HIVEP1: variants seen among roughly 807,000 people sequenced by gnomAD.
HIVEP1 encodes the protein HIVEP zinc finger 1.
HIVEP1 carries 36 observed loss-of-function variants against 180.0 expected under a neutral mutation model. That is an observed-to-expected ratio of 0.20 (90% CI 0.15 to 0.26). The LOEUF is 0.26. Ranked by LOEUF, HIVEP1 falls within the 10% of genes least tolerant of loss-of-function variation. HIVEP1 has a pLI of 1.00. For missense variants in HIVEP1, 3,143 were observed against 3,268.7 expected, an observed-to-expected ratio of 0.96 and a Z score of 0.94; for synonymous variants, 1,239 against 1,239.0, an observed-to-expected ratio of 1.00 and a Z score of 0.00.
chr6:12,201,105 C>T, the HIVEP1 span, among the ~76,000 whole-genome samples: 1 of 152,206 alleles, frequency 6.6e-6, no homozygotes, highest in African/African-American at 2.4e-5. Context: ...TGATATAGGT[C>T]TTCTCATGTT....
intron 2 of HIVEP1, among the ~76,000 whole-genome samples, chr6:12,086,427 T>C (rs1773128300): frequency 6.6e-6 from 1 of 152,148 alleles, no homozygotes; most frequent in South Asian, 2.1e-4. Flanking sequence ...ACAGAGAAAC[T>C]ATTATTTATT....
intron 2 of HIVEP1, among the ~76,000 whole-genome samples, chr6:12,053,624 C>T (rs778870015): frequency 6.6e-6 from 1 of 151,910 alleles, no homozygotes; most frequent in Non-Finnish European, 1.5e-5. Context: ...GAATTGATTC[C>T]ATGTCTTGAC....
chr6:12,009,749 T>A (rs1350146985), upstream of HIVEP1, among the ~76,000 whole-genome samples: 2 of 152,322 alleles, frequency 1.3e-5, no homozygotes, highest in African/African-American at 4.8e-5. Context: ...ATTTAGAAAA[T>A]TCAAAAACTT....
At chr6:12,037,300 G>A (rs1377418763) in intron 2 of HIVEP1, among the ~76,000 whole-genome samples, 1 of 152,192 alleles carries the variant, frequency 6.6e-6, no homozygotes, top group Non-Finnish European at 1.5e-5. Context: ...TAATTTTTGA[G>A]CACCTTTTTT....
intron 2 of HIVEP1, among the ~76,000 whole-genome samples, chr6:12,076,519 G>A (rs1041767222): frequency 6.6e-6 from 1 of 152,224 alleles, no homozygotes; most frequent in African/African-American, 2.4e-5. Flanking sequence ...CAAGGTGGCA[G>A]CACTGGTGAG....
the HIVEP1 span, among the ~76,000 whole-genome samples, chr6:12,197,789 C>T: frequency 2.6e-5 from 4 of 151,952 alleles, no homozygotes; most frequent in Non-Finnish European, 4.4e-5. Context: ...AGAGAACAGA[C>T]AAGAGGAAGG....
intron 4 of HIVEP1, chr6:12,129,462 A>C: frequency 4.9e-6 from 2 of 410,266 alleles, no homozygotes; most frequent in Non-Finnish European, 9.1e-6. Flanking sequence ...CTACTAAAAA[A>C]AGTTTCTGTT....
intron 3 of HIVEP1, among the ~76,000 whole-genome samples, chr6:12,108,251 G>A: frequency 6.6e-6 from 1 of 152,224 alleles, no homozygotes. Flanking sequence ...GTGCCGATTG[G>A]TGTATTTACA....
Position 12,059,607 on chromosome 6 carries a change from G to T in HIVEP1, c.41-29577G>T, listed in dbSNP as rs564734803. 5.3e-5 allele frequency among the ~76,000 whole-genome samples: 8 copies of T among 152,128 alleles called. No homozygotes were observed. In the East Asian group the frequency reaches 1.5e-3, roughly 29 times the overall value. On this transcript the variant is annotated intron_variant, in intron 2 of 8. Transcript: ENST00000379388. ...GCTCCCTGCATTGCCACCTACCTGGGGTTCTCCTCGCCTACTGTGCTGTTT... is the reference window on the plus strand; with the variant it reads ...GCTCCCTGCATTGCCACCTACCTGGTGTTCTCCTCGCCTACTGTGCTGTTT...
intron 2 of HIVEP1, among the ~76,000 whole-genome samples, chr6:12,029,537 T>G (rs547978327): frequency 1.3e-5 from 2 of 152,336 alleles, no homozygotes; most frequent in South Asian, 4.1e-4. Context: ...TGTGTTAAAT[T>G]TTTTAGTGTA....
At chr6:12,044,463 G>A (rs1380728425) in intron 2 of HIVEP1, among the ~76,000 whole-genome samples, 1 of 151,880 alleles carries the variant, frequency 6.6e-6, no homozygotes, top group African/African-American at 2.4e-5. Flanking sequence ...CCCTGTTAAC[G>A]CCCCTCAAAG....
At chr6:12,161,071 G>A (rs1361751933) in intron 7 of HIVEP1, among the ~76,000 whole-genome samples, 4 of 152,296 alleles carry the variant, frequency 2.6e-5, no homozygotes, top group East Asian at 1.9e-4. Flanking sequence ...AAAGAGTTGC[G>A]TTGAACTCTT....
At chr6:12,147,519 GTTGT>G (rs200450004) in intron 7 of HIVEP1, among the ~76,000 whole-genome samples, 32 of 152,154 alleles carry the variant, frequency 2.1e-4, no homozygotes, top group East Asian at 1.5e-3. Context: ...GTTGAGGTTT[GTTGT>G]TTGTTTGTTT....
the HIVEP1 span, among the ~76,000 whole-genome samples, chr6:12,202,579 G>C: frequency 6.6e-6 from 1 of 152,046 alleles, no homozygotes; most frequent in African/African-American, 2.4e-5. Flanking sequence ...GGACATTTCT[G>C]GATTACTTTT....
At chr6:12,080,722 T>C (rs1205415979) in intron 2 of HIVEP1, among the ~76,000 whole-genome samples, 1 of 152,170 alleles carries the variant, frequency 6.6e-6, no homozygotes, top group Non-Finnish European at 1.5e-5. Context: ...CTGAAAAGGA[T>C]AAGTGAAGAG....
intron 2 of HIVEP1, among the ~76,000 whole-genome samples, chr6:12,047,613 A>G (rs1206514244): frequency 1.3e-5 from 2 of 152,318 alleles, no homozygotes; most frequent in African/African-American, 2.4e-5. Flanking sequence ...CCACAAACAC[A>G]TCTTCTTTCC....
At chr6:12,179,159 A>C in the HIVEP1 span, among the ~76,000 whole-genome samples, 18 of 152,210 alleles carry the variant, frequency 1.2e-4, no homozygotes, top group Non-Finnish European at 2.4e-4. Flanking sequence ...TGGGACAGGC[A>C]ATCAGGAGGT....
chr6:12,132,032 A>G (rs1164715098), intron 6 of HIVEP1, among the ~76,000 whole-genome samples: 1 of 152,156 alleles, frequency 6.6e-6, no homozygotes, highest in Non-Finnish European at 1.5e-5. Context: ...GTCTGAAACA[A>G]GAATGATGGA....
intron 1 of HIVEP1, among the ~76,000 whole-genome samples, chr6:12,013,288 T>A (rs1767509714): frequency 6.6e-6 from 1 of 152,204 alleles, no homozygotes; most frequent in Admixed American, 6.5e-5. Flanking sequence ...GCCCTCCACA[T>A]TCATTCATGT....
Sources: allele counts gnomAD v4.1 joint callset (sites outside exome capture counted in the v4.1 genomes callset), GRCh38; gene constraint gnomAD v4.1.1; transcripts MANE v1.5; gene names NCBI Gene and HGNC (gene_info 2026-07-23, HGNC 2026-07-21).